The following UBN2 variants were observed in gnomAD, a reference collection of about 807,000 sequenced individuals.
UBN2 encodes ubinuclein 2.
Under a neutral mutation model 120.2 loss-of-function variants are expected in UBN2, and 35 were observed. That is an observed-to-expected ratio of 0.29 (90% CI 0.22 to 0.39). The LOEUF (loss-of-function observed/expected upper bound fraction) is 0.39, where lower values mean the gene tolerates loss of function less well. UBN2 is among the 10% of genes least tolerant of loss of function. The probability of loss-of-function intolerance (pLI) is 1.00; values close to 1 mark genes in which losing one functional copy is unlikely to be tolerated. For synonymous variants in UBN2, 661 were observed against 648.7 expected (o/e 1.02, Z -0.29); for missense variants, 1,693 against 1,663.2 (o/e 1.02, Z -0.31).
chr7:139,316,643 C>T, the UBN2 span, among the ~76,000 whole-genome samples: 1 of 152,150 alleles, frequency 6.6e-6, no homozygotes, highest in African/African-American at 2.4e-5. Flanking sequence ...ACTCGGGAGA[C>T]TGAGGCTAGA....
the UBN2 span, among the ~76,000 whole-genome samples, chr7:139,324,671 A>G: frequency 2.4e-3 from 367 of 150,870 alleles, 3 homozygotes; most frequent in African/African-American, 8.5e-3. Flanking sequence ...ATAACGTGCT[A>G]AAGATTTTTC....
the UBN2 span, among the ~76,000 whole-genome samples, chr7:139,315,018 C>T: frequency 1.3e-5 from 2 of 151,760 alleles, no homozygotes; most frequent in African/African-American, 4.8e-5. Context: ...CTCTGTCGCC[C>T]ATGCTGGAGT....
the UBN2 span, among the ~76,000 whole-genome samples, chr7:139,321,812 G>A: frequency 6.6e-6 from 1 of 152,252 alleles, no homozygotes; most frequent in Non-Finnish European, 1.5e-5. Context: ...CAGGACAGCA[G>A]CAGGCCAGGG....
chr7:139,252,182 C>A, intron 3 of UBN2, 125 bp downstream of exon 3: 2 of 651,018 alleles, frequency 3.1e-6, no homozygotes, highest in Non-Finnish European at 5.0e-6. Context: ...GCCATGTTCA[C>A]TACTTAAAGA....
At chr7:139,238,460 GTCAC>G (rs1563201617) in intron 2 of UBN2, among the ~76,000 whole-genome samples, 1 of 151,566 alleles carries the variant, frequency 6.6e-6, no homozygotes, top group Non-Finnish European at 1.5e-5. Flanking sequence ...CAGAGTCTCT[GTCAC>G]TCAGGCTGGA....
rs1364155024 is a variant in UBN2, at chr7:139,284,318, C to T, written c.3413C>T (p.Pro1138Leu). Residue 1138 changes from proline to leucine, a missense_variant, in exon 15 of 18, where the codon CCA (proline) becomes CTA (leucine). Coordinates refer to ENST00000473989, the MANE Select transcript of UBN2 (RefSeq NM_173569.4). ...LLPSSRTSGLPPTKNLQAPSK... is the reference protein window; with the variant it reads ...LLPSSRTSGLLPTKNLQAPSK... ...CCCTCTAGTCGCACTTCAGGCCTTC[C>T]ACCTACAAAAAATCTTCAGGCCCCC... 4 of 1,614,166 alleles carry T rather than the reference C, an allele frequency of 2.5e-6. No individual in the cohort carries two copies. In the East Asian group the frequency reaches 8.9e-5, roughly 36 times the overall value.
At chr7:139,248,503 T>C (rs1186780172) in intron 2 of UBN2, among the ~76,000 whole-genome samples, 2 of 152,200 alleles carry the variant, frequency 1.3e-5, no homozygotes, top group Non-Finnish European at 2.9e-5. Context: ...GAAATTGATA[T>C]CTTACTTTAA....
At chr7:139,251,460 A>C (rs986136980) in intron 2 of UBN2, among the ~76,000 whole-genome samples, 1 of 152,052 alleles carries the variant, frequency 6.6e-6, no homozygotes, top group African/African-American at 2.4e-5. Flanking sequence ...CTTAGTCATT[A>C]TTTCTCCTTA....
At chr7:139,286,085 G>T (rs1797778205) in intron 15 of UBN2, among the ~76,000 whole-genome samples, 2 of 152,144 alleles carry the variant, frequency 1.3e-5, no homozygotes, top group Non-Finnish European at 2.9e-5. Context: ...GGGCCACAAT[G>T]CCCAGCTAAT....
rs1017260209 is a variant in UBN2 at position 139,306,665 on chromosome 7, G to A, written c.*8829G>A. On this transcript the variant is annotated 3_prime_UTR_variant, in exon 18 of 18. Coordinates refer to ENST00000473989, the MANE Select transcript of UBN2 (RefSeq NM_173569.4). Reference sequence around the variant, plus strand: ...GCTTTGCACTGCCCTTTTGTTGATTGTCATTGAAAACTTACTTTATTTCAG... The same window carrying A: ...GCTTTGCACTGCCCTTTTGTTGATTATCATTGAAAACTTACTTTATTTCAG... 2.6e-5 allele frequency: 4 copies of A among 152,188 alleles called. No individual in the cohort carries two copies. The highest frequency in any genetic ancestry group is 9.7e-5 in the African/African-American group (4 of 41,440). 9.4% of individuals were successfully genotyped at this position (152,188 alleles called of 1,614,324 possible). A position where few individuals can be genotyped will look rare whatever the true frequency, so the allele number is the denominator to read the frequency against.
the UBN2 span, among the ~76,000 whole-genome samples, chr7:139,326,852 C>A: frequency 6.6e-6 from 1 of 152,094 alleles, no homozygotes; most frequent in African/African-American, 2.4e-5. Context: ...ACTGTGTCAC[C>A]ACTGCAAACT....
rs1797686457 is a variant in UBN2, at chr7:139,283,721, A to G, written c.2816A>G (p.Tyr939Cys). 3.1e-6 allele frequency: 5 copies of G among 1,613,852 alleles called. No individual in the cohort carries two copies. The highest frequency in any genetic ancestry group is 2.2e-5 in the East Asian group (1 of 44,896). ...CAGCATTCAGCTGTCCAGCAGAACT[A>G]TGTGTCTCCATTACAGGCCACCATC... is the stretch of plus-strand genomic sequence containing the variant. Reference protein sequence around the residue: ...VHQHSAVQQNYVSPLQATISK... With the variant: ...VHQHSAVQQNCVSPLQATISK... The change falls in exon 15 of 18, where the codon TAT becomes TGT. Residue 939 changes from tyrosine to cysteine, a missense_variant. By Grantham distance (194) the Tyr-to-Cys change is radical. Coordinates refer to ENST00000473989, the MANE Select transcript of UBN2 (RefSeq NM_173569.4).
rs1798335980 is a variant in UBN2, at chr7:139,305,023, A to C, written c.*7187A>C. ...CTCTGTATTCAAAAACTATCTACAG[A>C]TGCTTTCACTGGTGCAAAGCTGTAG... On this transcript the variant is annotated 3_prime_UTR_variant, in exon 18 of 18. Coordinates refer to ENST00000473989, the MANE Select transcript of UBN2 (RefSeq NM_173569.4). 6.6e-6 allele frequency: 1 copy of C among 152,130 alleles called. No individual in the cohort carries two copies. The highest frequency in any genetic ancestry group is 2.4e-5 in the African/African-American group (1 of 41,422). The allele number at this position is 152,130 out of a possible 1,614,324, so 9.4% of individuals were successfully genotyped here.
intron 2 of UBN2, among the ~76,000 whole-genome samples, chr7:139,238,497 C>G (rs1369840397): frequency 6.6e-6 from 1 of 152,140 alleles, no homozygotes; most frequent in African/African-American, 2.4e-5. Context: ...GATCTTGGCT[C>G]ACTGTAACCT....
intron 15 of UBN2, 102 bp from the exon 16 acceptor site, chr7:139,293,130 C>T (rs1344287552): frequency 2.2e-6 from 2 of 923,602 alleles, no homozygotes; most frequent in Non-Finnish European, 3.4e-6. Context: ...TCTGTCAGAG[C>T]AGATGTAAGG....
chr7:139,309,105 C>A (rs746922882), downstream of UBN2, among the ~76,000 whole-genome samples: 1 of 151,870 alleles, frequency 6.6e-6, no homozygotes, highest in South Asian at 2.1e-4. Flanking sequence ...GGTGGGAGAA[C>A]GATGAAGAGA....
intron 15 of UBN2, among the ~76,000 whole-genome samples, chr7:139,286,631 G>GT (rs760537193): frequency 6.6e-5 from 10 of 151,216 alleles, no homozygotes; most frequent in Non-Finnish European, 1.5e-4. Flanking sequence ...ATAATATTTC[G>GT]TTTTATAACC....
At chr7:139,259,463 T>C in intron 5 of UBN2, 93 bp downstream of exon 5, 1 of 1,498,062 alleles carries the variant, frequency 6.7e-7, no homozygotes, top group Non-Finnish European at 9.0e-7. Flanking sequence ...TAATTCAACC[T>C]AGCTGAGTCT....
At chr7:139,328,757 A>G in the UBN2 span, among the ~76,000 whole-genome samples, 1 of 151,872 alleles carries the variant, frequency 6.6e-6, no homozygotes, top group Non-Finnish European at 1.5e-5. Flanking sequence ...CCAGCTATTC[A>G]GGAGGCTGAG....
Sources: allele counts gnomAD v4.1 joint callset (sites outside exome capture counted in the v4.1 genomes callset), GRCh38; gene constraint gnomAD v4.1.1; transcripts MANE v1.5; gene names NCBI Gene and HGNC (gene_info 2026-07-23, HGNC 2026-07-21).